The following TPM1 variants were observed in gnomAD, a reference collection of about 807,000 sequenced individuals.
TPM1 encodes tropomyosin 1, also known as tropomyosin alpha-1 chain.
TPM1 carries 24 observed loss-of-function variants against 42.9 expected under a neutral mutation model. The ratio of observed to expected loss-of-function variants is 0.56; its 90% CI spans 0.41 to 0.79. The LOEUF (loss-of-function observed/expected upper bound fraction) is 0.79. Ranked by LOEUF, TPM1 falls within the 30% of genes least tolerant of loss-of-function variation. The pLI, the probability that TPM1 is intolerant of heterozygous loss-of-function variation, is 0.00. For missense variants in TPM1, 158 were observed against 351.8 expected (o/e 0.45, Z 4.41); for synonymous variants, 136 against 130.1 (o/e 1.05, Z -0.31).
chr15:63,042,760 C>T lies in TPM1; in HGVS notation c.-70C>T. 1 of 1,342,990 alleles carries T rather than the reference C, an allele frequency of 7.4e-7. No homozygotes were observed. The allele number at this position is 1,342,990 out of a possible 1,614,324, so 83.2% of individuals were successfully genotyped here. ...AGGCGGCTCCGCGCTCGCACTCCCGCTCCTCCGCCCGACCGCGCGCTCGCC... is the reference window on the plus strand; with the variant it reads ...AGGCGGCTCCGCGCTCGCACTCCCGTTCCTCCGCCCGACCGCGCGCTCGCC... On this transcript the variant is annotated 5_prime_UTR_variant, in exon 1 of 10. Coordinates refer to ENST00000403994, the MANE Select transcript of TPM1 (RefSeq NM_001018005.2).
At chr15:63,051,470 G>A (rs915159815) in intron 2 of TPM1, among the ~76,000 whole-genome samples, 2 of 133,072 alleles carry the variant, frequency 1.5e-5, no homozygotes, top group African/African-American at 6.1e-5. Flanking sequence ...TAAATTATGG[G>A]CTTTGGCACA....
intron 9 of TPM1, chr15:63,064,969 G>GA (rs2036118884): frequency 6.1e-6 from 6 of 983,396 alleles, no homozygotes; most frequent in East Asian, 1.1e-4. Flanking sequence ...TCTGTCTCAA[G>GA]AAAAAAAAGA....
intron 2 of TPM1, chr15:63,045,555 G>A (rs988177507): frequency 2.6e-5 from 4 of 152,164 alleles, no homozygotes; most frequent in African/African-American, 9.7e-5. Context: ...TTTTTCAAAA[G>A]AGCTGCTAAT....
At chr15:63,065,417 C>T in intron 9 of TPM1, 6 of 1,005,456 alleles carry the variant, frequency 6.0e-6, no homozygotes, top group Non-Finnish European at 7.1e-6. Context: ...CATGTGCCTG[C>T]TGCCTTAGAG....
chr15:63,063,256 AG>A, intron 8 of TPM1: 1 of 985,454 alleles, frequency 1.0e-6, no homozygotes, highest in South Asian at 4.7e-5. Context: ...TGAACAAGAA[AG>A]AAAAAAGACA....
At chr15:63,049,728 G>T (rs565242064) in intron 2 of TPM1, among the ~76,000 whole-genome samples, 1 of 152,308 alleles carries the variant, frequency 6.6e-6, no homozygotes, top group South Asian at 2.1e-4. Flanking sequence ...ACCTGAAATG[G>T]TCCTCTTCAG....
downstream of TPM1, among the ~76,000 whole-genome samples, chr15:63,067,518 G>A (rs1405743304): frequency 1.3e-5 from 2 of 152,298 alleles, no homozygotes; most frequent in Admixed American, 1.3e-4. Context: ...GTTCTGCTGA[G>A]CAGATGTTCA....
chr15:63,061,993 A>G (rs1306526252), intron 6 of TPM1: 1 of 669,922 alleles, frequency 1.5e-6, no homozygotes, highest in East Asian at 2.7e-5. Context: ...AATTTAATTT[A>G]AACCAAGTGC....
rs573495443 is a variant in TPM1 at position 63,062,244 on chromosome 15, A to G, written c.669A>G (p.Glu223=). The G allele has an allele frequency of 5.0e-6, 8 of 1,614,170 alleles. No homozygotes were observed. In the South Asian group the frequency reaches 8.8e-5, roughly 18 times the overall value. The change falls in exon 7 of 10, where the codon GAA becomes GAG. Residue 223 remains glutamate, a synonymous_variant. Transcript: ENST00000403994. ...CGCAGAAGGAAGACAGATATGAGGAAGAGATCAAGGTCCTTTCCGACAAGC... is the reference window on the plus strand; with the variant it reads ...CGCAGAAGGAAGACAGATATGAGGAGGAGATCAAGGTCCTTTCCGACAAGC... ...KYSQKEDRYE[E]EIKVLSDKLK...
chr15:63,043,972 A>G (rs1038348370), intron 1 of TPM1, 55 bp from the exon 2 acceptor site: 2 of 1,589,448 alleles, frequency 1.3e-6, no homozygotes, highest in South Asian at 1.1e-5. Context: ...CCCCTTCGGG[A>G]TCACGCTGCC....
downstream of TPM1, chr15:63,070,990 A>T: frequency 6.9e-6 from 11 of 1,588,942 alleles, no homozygotes; most frequent in Non-Finnish European, 8.6e-6. Context: ...TAATCATCTC[A>T]TCCTGTGTTT....
At chr15:63,048,529 C>T (rs1479942570) in intron 2 of TPM1, 1 of 1,506,232 alleles carries the variant, frequency 6.6e-7, no homozygotes, top group Non-Finnish European at 8.8e-7. Context: ...AGGGCAGCAG[C>T]CGGCCTCTCC....
At chr15:63,066,760 T>C (rs1260634812), downstream of TPM1, among the ~76,000 whole-genome samples, 1 of 152,268 alleles carries the variant, frequency 6.6e-6, no homozygotes, top group African/African-American at 2.4e-5. Context: ...TTTCTAAATA[T>C]GATTACTCTG....
In TPM1 at chr15:63,043,946, G is replaced by A. The variant is rs1436682432; in HGVS notation, c.115-81G>A. The stretch of plus-strand genomic sequence containing the variant: ...CCGCTGTCCCTGTCCTTCTGGTTCT[G>A]TGCACCCACACCCCTCCCCTTCGGG... On this transcript the variant is annotated intron_variant, in intron 1 of 9. Coordinates refer to ENST00000403994, the MANE Select transcript of TPM1 (RefSeq NM_001018005.2). 1.0e-5 allele frequency: 16 copies of A among 1,564,446 alleles called. No individual in the cohort carries two copies. The South Asian group carries it at 1.1e-4, about 10-fold the overall frequency.
In TPM1 at chr15:63,071,316, A is replaced by G. The variant is rs921655265; in HGVS notation, c.*144A>G. ...TACCAGCTAGGTCAGGGGGTGGGGA[A>G]AACACATACAAAAAGGCAAGCCCAT... On this transcript the variant is annotated 3_prime_UTR_variant, in exon 9 of 9. Transcript: ENST00000267996. The G allele has an allele frequency of 2.8e-5, 26 of 930,224 alleles. No individual in the cohort carries two copies. In the Middle Eastern group the frequency reaches 1.0e-3, roughly 36 times the overall value. The allele number at this position is 930,224 out of a possible 1,614,324, so 57.6% of individuals were successfully genotyped here. A position where few individuals can be genotyped will look rare whatever the true frequency, so the allele number is the denominator to read the frequency against.
At chr15:63,063,213 T>A in intron 8 of TPM1, 1 of 985,410 alleles carries the variant, frequency 1.0e-6, no homozygotes, top group Admixed American at 6.1e-5. Flanking sequence ...ATATCCTAAA[T>A]GTTGAGCTTT....
Position 63,048,358 on chromosome 15 carries a change from CT to C in TPM1, c.240+4207del, listed in dbSNP as rs1044572865. On this transcript the variant is annotated intron_variant, in intron 2 of 9. Coordinates refer to ENST00000403994, the MANE Select transcript of TPM1 (RefSeq NM_001018005.2). ...GTCCCGGGATCCACGGCGCGCGCCC[CT>C]CCCAGCCGCGCGCGCCCGCCTGCGG... The C allele has an allele frequency of 3.1e-6, 4 of 1,273,776 alleles. No homozygotes were observed. In the African/African-American group the frequency reaches 6.5e-5, roughly 21 times the overall value. 78.9% of individuals were successfully genotyped at this position (1,273,776 alleles called of 1,614,324 possible).
At chr15:63,043,515 A>C (rs923939211) in intron 1 of TPM1, 3 of 867,522 alleles carry the variant, frequency 3.5e-6, no homozygotes, top group Admixed American at 4.0e-5. Context: ...GTCCCAGGGC[A>C]GGTGGGTGTG....
chr15:63,044,475 G>GC, intron 2 of TPM1: 1 of 586,476 alleles, frequency 1.7e-6, no homozygotes, highest in Non-Finnish European at 3.0e-6. Context: ...AACCCTTGAG[G>GC]TGTCATCACC....
Sources: gnomAD v4.1 joint callset for allele counts (sites outside exome capture counted in the v4.1 genomes callset) on GRCh38, gnomAD v4.1.1 for gene constraint, MANE v1.5 for transcripts, NCBI Gene and HGNC (gene_info 2026-07-23, HGNC 2026-07-21) for gene names.